PRKAG2: variants seen among roughly 807,000 people sequenced by gnomAD.
The protein encoded by PRKAG2 is 5'-AMP-activated protein kinase subunit gamma-2.
In PRKAG2, 26 loss-of-function variants were observed where a neutral mutation model predicts 69.6. That is an observed-to-expected ratio of 0.37 (90% confidence interval 0.27 to 0.52). The LOEUF is 0.52. Among genes scored for constraint, PRKAG2 ranks in the 20% least tolerant of loss-of-function variants. PRKAG2 has a pLI of 0.90. For synonymous variants in PRKAG2, 293 were observed against 285.0 expected, an observed-to-expected ratio of 1.03 and a Z score of -0.28; for missense variants, 557 against 740.0, an observed-to-expected ratio of 0.75 and a Z score of 2.87.
At chr7:151,826,329 G>A (rs752893813) in intron 1 of PRKAG2, among the ~76,000 whole-genome samples, 9 of 151,746 alleles carry the variant, frequency 5.9e-5, no homozygotes, top group Non-Finnish European at 8.8e-5. Flanking sequence ...TACAGGCACC[G>A]ACCACCACGC....
At chr7:151,677,007 G>A (rs958987487) in intron 3 of PRKAG2, among the ~76,000 whole-genome samples, 2 of 152,206 alleles carry the variant, frequency 1.3e-5, no homozygotes, top group African/African-American at 2.4e-5. Context: ...CAGAGAGAGC[G>A]TGGCGCTGCC....
intron 3 of PRKAG2, among the ~76,000 whole-genome samples, chr7:151,770,432 T>C (rs564631994): frequency 1.3e-4 from 20 of 152,310 alleles, no homozygotes; most frequent in African/African-American, 4.6e-4. Context: ...CTATAACCTG[T>C]TGAATATGTA....
chr7:151,785,362 C>T (rs373881843), intron 2 of PRKAG2, among the ~76,000 whole-genome samples: 20 of 152,310 alleles, frequency 1.3e-4, no homozygotes, highest in Non-Finnish European at 2.2e-4. Context: ...CAGCCTTGCA[C>T]GGGGTTGGTG....
At chr7:151,646,327 C>A (rs1827558373) in intron 4 of PRKAG2, among the ~76,000 whole-genome samples, 1 of 152,148 alleles carries the variant, frequency 6.6e-6, no homozygotes, top group Non-Finnish European at 1.5e-5. Context: ...GCATATCTTT[C>A]CATTTGTTTA....
chr7:151,815,292 C>A (rs1301391668), intron 1 of PRKAG2, among the ~76,000 whole-genome samples: 1 of 152,168 alleles, frequency 6.6e-6, no homozygotes, highest in Non-Finnish European at 1.5e-5. Flanking sequence ...GCTTTGACAC[C>A]TGGGGCCTTG....
chr7:151,734,848 C>CT (rs35008070), intron 3 of PRKAG2, among the ~76,000 whole-genome samples: 7,475 of 90,080 alleles, frequency 0.083, 723 homozygotes, highest in African/African-American at 0.19. Flanking sequence ...AAATCTGATT[C>CT]TTTTTTTTTT....
intron 1 of PRKAG2, among the ~76,000 whole-genome samples, chr7:151,837,077 G>A (rs1451725150): frequency 6.6e-6 from 1 of 152,176 alleles, no homozygotes; most frequent in Non-Finnish European, 1.5e-5. Flanking sequence ...ACCGTGCACA[G>A]CCGTCTTCAC....
At position 151,627,739 on chromosome 7, in the gene PRKAG2, C is replaced by T. The variant is rs560158287; in HGVS notation, c.754+4330G>A. ...CATGAAATTACTCCAGGCTGAAGTA[C>T]AGTGGTGCAACCACATGCGCTCGGG... On this transcript the variant is annotated intron_variant, in intron 5 of 15. Coordinates refer to ENST00000287878, the MANE Select transcript of PRKAG2 (RefSeq NM_016203.4). 1.3e-4 allele frequency among the ~76,000 whole-genome samples: 20 copies of T among 152,294 alleles called. No homozygotes were observed. The South Asian group carries it at 3.9e-3, about 30-fold the overall frequency.
At chr7:151,652,057 GGTAT>G (rs1433951983) in intron 4 of PRKAG2, among the ~76,000 whole-genome samples, 1 of 152,160 alleles carries the variant, frequency 6.6e-6, no homozygotes, top group Non-Finnish European at 1.5e-5. Flanking sequence ...AGAAATGATA[GGTAT>G]GTGAGGTGAC....
chr7:151,757,280 A>G (rs534366688), intron 3 of PRKAG2, among the ~76,000 whole-genome samples: 49 of 152,304 alleles, frequency 3.2e-4, no homozygotes, highest in African/African-American at 1.1e-3. Context: ...AATAAACTCA[A>G]GTTGCTGGGA....
In PRKAG2 at chr7:151,769,044, T is replaced by C. The variant is rs535013185; in HGVS notation, c.466+12108A>G. ...GGTGTCCCCCCAGTGCAGGGAGCAA[T>C]GATGCTATCTGGTTTTACCAAAGGG... is the stretch of plus-strand genomic sequence containing the variant. On this transcript the variant is annotated intron_variant, in intron 3 of 15. Coordinates refer to ENST00000287878, the MANE Select transcript of PRKAG2 (RefSeq NM_016203.4). Among the ~76,000 whole-genome samples the C allele has an allele frequency of 8.5e-5, 13 of 152,332 alleles. 1 individual carries two copies. Among genetic ancestry groups the C allele is most frequent in the African/African-American group, 1.4e-4 (6 of 41,580 alleles).
intron 4 of PRKAG2, among the ~76,000 whole-genome samples, chr7:151,656,538 A>G (rs1332414938): frequency 6.6e-6 from 1 of 152,346 alleles, no homozygotes; most frequent in East Asian, 1.9e-4. Context: ...CCTGGGCAAC[A>G]GAGCAAGACT....
At chr7:151,621,780 G>T (rs1232604515) in intron 5 of PRKAG2, among the ~76,000 whole-genome samples, 1 of 152,086 alleles carries the variant, frequency 6.6e-6, no homozygotes, top group Non-Finnish European at 1.5e-5. Context: ...TCGCCATGGT[G>T]CCCAGGCTGG....
chr7:151,668,552 G>A (rs1831379688), intron 4 of PRKAG2, among the ~76,000 whole-genome samples: 1 of 152,174 alleles, frequency 6.6e-6, no homozygotes, highest in Admixed American at 6.5e-5. Context: ...AACCTTTTTA[G>A]CAGGATCGTT....
At chr7:151,815,542 C>T (rs1255278584) in intron 1 of PRKAG2, among the ~76,000 whole-genome samples, 1 of 152,170 alleles carries the variant, frequency 6.6e-6, no homozygotes, top group East Asian at 1.9e-4. Context: ...TCACAGAAAC[C>T]ACAATAAAGT....
intron 3 of PRKAG2, among the ~76,000 whole-genome samples, chr7:151,758,006 A>G (rs2075201451): frequency 6.6e-6 from 1 of 152,174 alleles, no homozygotes; most frequent in Non-Finnish European, 1.5e-5. Context: ...CAGTGCTGTA[A>G]ATCTTCCCCG....
chr7:151,610,667 A>G (rs1329757192), intron 5 of PRKAG2, among the ~76,000 whole-genome samples: 1 of 150,294 alleles, frequency 6.7e-6, no homozygotes, highest in East Asian at 2.0e-4. Flanking sequence ...ACAGAGCGAG[A>G]CTCCATCTCA....
intron 14 of PRKAG2, among the ~76,000 whole-genome samples, chr7:151,563,260 T>C (rs1290373121): frequency 6.6e-6 from 1 of 152,210 alleles, no homozygotes; most frequent in Non-Finnish European, 1.5e-5. Flanking sequence ...AGTCATCTTG[T>C]GAAGGAATTT....
chr7:151,868,293 C>A (rs1417834224), intron 1 of PRKAG2, among the ~76,000 whole-genome samples: 2 of 152,230 alleles, frequency 1.3e-5, no homozygotes, highest in African/African-American at 4.8e-5. Context: ...ACAGTTCCAC[C>A]AAATCACCTT....
Sources: allele counts gnomAD v4.1 joint callset (sites outside exome capture counted in the v4.1 genomes callset), GRCh38; gene constraint gnomAD v4.1.1; transcripts MANE v1.5; gene names NCBI Gene and HGNC (gene_info 2026-07-23, HGNC 2026-07-21).